PRSS23: variants seen among roughly 807,000 people sequenced by gnomAD.
PRSS23 encodes the protein serine protease 23.
PRSS23 carries 25 observed loss-of-function variants against 34.7 expected under a neutral mutation model. The observed-to-expected ratio is 0.72, with a 90% confidence interval of 0.53 to 1.01. PRSS23 has a LOEUF of 1.01. PRSS23 is among the 50% of genes least tolerant of loss of function. PRSS23 has a pLI of 0.00. For synonymous variants in PRSS23, 176 were observed against 186.6 expected (o/e 0.94, Z 0.46); for missense variants, 445 against 475.6 (o/e 0.94, Z 0.60).
intron 2 of PRSS23, among the ~76,000 whole-genome samples, chr11:86,876,532 T>C (rs1948725221): frequency 6.6e-6 from 1 of 152,164 alleles, no homozygotes; most frequent in Non-Finnish European, 1.5e-5. Flanking sequence ...AATATTAAAG[T>C]GTAGTCTTGC....
intron 2 of PRSS23, among the ~76,000 whole-genome samples, chr11:86,828,430 G>A (rs1948321770): frequency 6.6e-6 from 1 of 152,038 alleles, no homozygotes; most frequent in African/African-American, 2.4e-5. Context: ...CACACTGGTG[G>A]GTCTTGACTC....
At position 86,808,098 on chromosome 11, in the gene PRSS23, C is replaced by T; in HGVS notation, c.455C>T (p.Thr152Ile). 2 of 1,614,184 alleles carry T rather than the reference C, an allele frequency of 1.2e-6. No individual in the cohort carries two copies. The highest frequency in any genetic ancestry group is 1.7e-6 in the Non-Finnish European group (2 of 1,180,038). ...KDFLLNYPFSTSVKLSTGCTG... is the reference protein window; with the variant it reads ...KDFLLNYPFSISVKLSTGCTG... ...TTCCTGCTCAACTACCCTTTCTCAA[C>T]ATCAGTGAAGTTATCCACGGGCTGC... The change falls in exon 2 of 2, where the codon ACA becomes ATA. Residue 152 changes from threonine to isoleucine, a missense_variant. Thr to Ile is a moderately conservative substitution (Grantham distance 89). Coordinates refer to ENST00000280258, the MANE Select transcript of PRSS23 (RefSeq NM_007173.6).
intron 2 of PRSS23, among the ~76,000 whole-genome samples, chr11:86,920,883 T>C (rs931261700): frequency 1.5e-4 from 23 of 152,166 alleles, no homozygotes; most frequent in African/African-American, 5.3e-4. Context: ...TACTCAATGA[T>C]CCTTCGTCAC....
At chr11:86,825,324 GTTGT>G (rs1206712074) in intron 2 of PRSS23, among the ~76,000 whole-genome samples, 4 of 152,010 alleles carry the variant, frequency 2.6e-5, no homozygotes, top group Non-Finnish European at 5.9e-5. Flanking sequence ...TTTTGATGGG[GTTGT>G]TTGTTTTTTT....
chr11:86,914,086 C>T (rs563253832), intron 2 of PRSS23, among the ~76,000 whole-genome samples: 8 of 145,460 alleles, frequency 5.5e-5, no homozygotes, highest in East Asian at 2.0e-4. Flanking sequence ...CAGACACAGA[C>T]GTGGTGGCGT....
At chr11:86,931,550 G>T (rs529156335) in intron 2 of PRSS23, among the ~76,000 whole-genome samples, 9 of 152,212 alleles carry the variant, frequency 5.9e-5, no homozygotes, top group Middle Eastern at 3.4e-3. Flanking sequence ...CCTAGTAATA[G>T]AAATCAGAAA....
intron 2 of PRSS23, among the ~76,000 whole-genome samples, chr11:86,940,018 C>A (rs986756414): frequency 6.6e-6 from 1 of 152,100 alleles, no homozygotes; most frequent in African/African-American, 2.4e-5. Context: ...CTAAATTAAA[C>A]CTTTACTATG....
intron 2 of PRSS23, among the ~76,000 whole-genome samples, chr11:86,878,453 C>T (rs573303487): frequency 4.6e-5 from 7 of 152,070 alleles, no homozygotes; most frequent in Non-Finnish European, 1.0e-4. Context: ...TTGGTGGAGA[C>T]GGGGTTTCGC....
At chr11:86,903,418 C>G (rs984248896) in intron 2 of PRSS23, among the ~76,000 whole-genome samples, 1 of 152,106 alleles carries the variant, frequency 6.6e-6, no homozygotes, top group African/African-American at 2.4e-5. Context: ...ATTTACAACC[C>G]AGCCCTATAC....
At chr11:86,800,063 A>T (rs1948010702), upstream of PRSS23, among the ~76,000 whole-genome samples, 1 of 152,260 alleles carries the variant, frequency 6.6e-6, no homozygotes, top group East Asian at 1.9e-4. Flanking sequence ...AGGGCTCCCC[A>T]TACACCAGGT....
At chr11:86,941,882 T>C (rs1301845355) in intron 2 of PRSS23, among the ~76,000 whole-genome samples, 1 of 152,170 alleles carries the variant, frequency 6.6e-6, no homozygotes, top group African/African-American at 2.4e-5. Flanking sequence ...TCAAAGCCCT[T>C]CAGTTTCTCC....
intron 2 of PRSS23, among the ~76,000 whole-genome samples, chr11:86,844,889 A>G (rs1342417274): frequency 1.3e-5 from 2 of 152,186 alleles, no homozygotes; most frequent in Non-Finnish European, 2.9e-5. Context: ...CAGGAGTTCA[A>G]GAACAGCCTG....
At chr11:86,800,712 G>T (rs985648969) in intron 1 of PRSS23, 61 bp downstream of exon 1, 10 of 935,712 alleles carry the variant, frequency 1.1e-5, no homozygotes, top group East Asian at 1.2e-4. Context: ...GCGCCGGGAG[G>T]AGCGGGACAA....
chr11:86,845,582 G>A (rs1228834923), intron 2 of PRSS23, among the ~76,000 whole-genome samples: 2 of 152,148 alleles, frequency 1.3e-5, no homozygotes, highest in African/African-American at 4.8e-5. Flanking sequence ...TTGAGTAGGG[G>A]CTCAGAAAGC....
chr11:86,826,361 GA>G (rs1948300878), intron 2 of PRSS23, among the ~76,000 whole-genome samples: 1 of 152,186 alleles, frequency 6.6e-6, no homozygotes, highest in Non-Finnish European at 1.5e-5. Flanking sequence ...AGACTTTGCT[GA>G]AGTTGCTTAT....
At chr11:86,898,998 G>A (rs1259064785) in intron 2 of PRSS23, among the ~76,000 whole-genome samples, 1 of 152,116 alleles carries the variant, frequency 6.6e-6, no homozygotes, top group Non-Finnish European at 1.5e-5. Flanking sequence ...CTACTTCCAG[G>A]CACACCCAGA....
chr11:86,951,037 G>C, intron 2 of PRSS23: 1 of 1,251,240 alleles, frequency 8.0e-7, no homozygotes, highest in Non-Finnish European at 1.2e-6. Context: ...ATTGTTGCTA[G>C]TTTGTTCAAA....
intron 2 of PRSS23, among the ~76,000 whole-genome samples, chr11:86,826,718 G>A (rs1451258209): frequency 6.6e-6 from 1 of 152,128 alleles, no homozygotes; most frequent in African/African-American, 2.4e-5. Flanking sequence ...GTTGAATTTT[G>A]TCAAAGGCCT....
At chr11:86,880,254 C>T (rs1415812470) in intron 2 of PRSS23, among the ~76,000 whole-genome samples, 1 of 150,482 alleles carries the variant, frequency 6.6e-6, no homozygotes, top group Non-Finnish European at 1.5e-5. Flanking sequence ...GCAGCATGCT[C>T]ATTAAGAGTC....
Sources: allele counts gnomAD v4.1 joint callset (sites outside exome capture counted in the v4.1 genomes callset), GRCh38; gene constraint gnomAD v4.1.1; transcripts MANE v1.5; gene names NCBI Gene and HGNC (gene_info 2026-07-23, HGNC 2026-07-21).